The following MGST1 variants were observed in gnomAD, a reference collection of about 807,000 sequenced individuals.
The protein encoded by MGST1 is microsomal glutathione S-transferase 1, also known as glutathione S-transferase 12.
In MGST1, 5 loss-of-function variants were observed where a neutral mutation model predicts 8.9. The ratio of observed to expected loss-of-function variants is 0.56; its 90% confidence interval spans 0.29 to 1.19. The LOEUF (loss-of-function observed/expected upper bound fraction) is 1.19, where lower values mean the gene tolerates loss of function less well. Among genes scored for constraint, MGST1 ranks in the 50% most tolerant of loss-of-function variants. The pLI is 0.08. For missense variants in MGST1, 182 were observed against 187.4 expected (o/e 0.97, Z 0.17); for synonymous variants, 54 against 67.8 (o/e 0.80, Z 1.00).
intron 1 of MGST1, among the ~76,000 whole-genome samples, chr12:16,421,176 A>C (rs1940832550): frequency 6.6e-6 from 1 of 152,064 alleles, no homozygotes; most frequent in South Asian, 2.1e-4. Context: ...GCACATATCC[A>C]TTTATCAATA....
At chr12:16,400,087 TAA>T in intron 1 of MGST1, 1 of 1,574,400 alleles carries the variant, frequency 6.4e-7, no homozygotes, top group Non-Finnish European at 8.7e-7. Context: ...CATGAAATTC[TAA>T]AAGGCTGTTT....
At chr12:16,454,832 G>A (rs1941157847) in intron 4 of MGST1, among the ~76,000 whole-genome samples, 2 of 108,478 alleles carry the variant, frequency 1.8e-5, no homozygotes, top group South Asian at 3.1e-4. Context: ...AATGAAACCT[G>A]TAATTAATGT....
chr12:16,590,654 G>A (rs1044678124), downstream of MGST1, among the ~76,000 whole-genome samples: 14 of 151,712 alleles, frequency 9.2e-5, no homozygotes, highest in African/African-American at 3.4e-4. Context: ...TGACATCTTT[G>A]GTCAAGATCT....
Position 16,576,085 on chromosome 12 carries a change from G to A in MGST1, n.483-13443G>A, listed in dbSNP as rs555742647. On this transcript the variant is annotated intron_variant and non_coding_transcript_variant, in intron 4 of 4. Coordinates refer to the MGST1 transcript ENST00000538857. This position sits in a 1 kb window ranked among gnomAD's most constrained non-coding sequence, Gnocchi z 4.1. ...CAGTAAGCTACTTCTAGCGCGCATC[G>A]CTTCTCCCTTGCACTCATACTACAA... Among the ~76,000 whole-genome samples, 14 of 152,208 alleles carry A rather than the reference G, an allele frequency of 9.2e-5. No individual in the cohort carries two copies. In the South Asian group the frequency reaches 2.7e-3, roughly 29 times the overall value.
At chr12:16,367,728 A>G (rs530483639), downstream of MGST1, among the ~76,000 whole-genome samples, 3 of 152,262 alleles carry the variant, frequency 2.0e-5, no homozygotes, top group South Asian at 4.1e-4. Context: ...CAAGATGGAG[A>G]TGATCTCTCT....
rs1680010583 is a variant in MGST1, at chr12:16,363,560, C to T, written c.222-235C>T. ...TTGATATTCTAGGAACTACAAAATG[C>T]CTTCTGTGATATTTAAAGATACACT... On this transcript the variant is annotated intron_variant, in intron 3 of 3. Coordinates refer to ENST00000396210, the MANE Select transcript of MGST1 (RefSeq NM_020300.5). This position sits in a 1 kb window ranked among gnomAD's most constrained non-coding sequence, Gnocchi z 4.6. The T allele has an allele frequency of 6.8e-6, 2 of 292,542 alleles. No homozygotes were observed. The highest frequency in any genetic ancestry group is 9.5e-5 in the Admixed American group (2 of 21,068). 18.1% of individuals were successfully genotyped at this position (292,542 alleles called of 1,614,324 possible).
At chr12:16,360,866 A>G (rs1565437524) in intron 3 of MGST1, among the ~76,000 whole-genome samples, 1 of 152,274 alleles carries the variant, frequency 6.6e-6, no homozygotes, top group Admixed American at 6.5e-5. Context: ...GCCCCAGTGT[A>G]TGAACACACA....
At chr12:16,377,772 A>C (rs528515447), downstream of MGST1, among the ~76,000 whole-genome samples, 149 of 152,132 alleles carry the variant, frequency 9.8e-4, no homozygotes, top group African/African-American at 3.4e-3. Context: ...ACAGTGTAAA[A>C]GTGTTCCTAT....
intron 1 of MGST1, among the ~76,000 whole-genome samples, chr12:16,425,964 G>A (rs1212984867): frequency 6.6e-6 from 1 of 151,912 alleles, no homozygotes; most frequent in East Asian, 1.9e-4. Flanking sequence ...CATGTTTTCT[G>A]TCACTGATAA....
At chr12:16,549,069 G>C (rs1941891529) in intron 4 of MGST1, 1 of 152,122 alleles carries the variant, frequency 6.6e-6, no homozygotes, top group South Asian at 2.1e-4. Context: ...AAGATCATCT[G>C]AATAAGATCC....
chr12:16,411,366 G>A (rs1940741681), intron 1 of MGST1, among the ~76,000 whole-genome samples: 1 of 152,138 alleles, frequency 6.6e-6, no homozygotes, highest in Admixed American at 6.6e-5. Context: ...GTTATATGGT[G>A]AAATCCTCTA....
At chr12:16,541,190 T>A (rs980195204) in intron 4 of MGST1, among the ~76,000 whole-genome samples, 4 of 152,250 alleles carry the variant, frequency 2.6e-5, no homozygotes, top group Non-Finnish European at 4.4e-5. Context: ...ATTAAATAAC[T>A]TTTTTTAGTA....
At position 16,503,964 on chromosome 12, in the gene MGST1, T is replaced by C. The variant is rs1319106852; in HGVS notation, n.483-85564T>C. ...GGTGCTGCTGTATGCTGCTGCCCTA[T>C]GCTGCTGCTTCGATAAAAGGTGTTG... On this transcript the variant is annotated intron_variant and non_coding_transcript_variant, in intron 4 of 4. Coordinates refer to the MGST1 transcript ENST00000538857. This position sits in a 1 kb window ranked among gnomAD's most constrained non-coding sequence, Gnocchi z 4.8. Among the ~76,000 whole-genome samples the C allele has an allele frequency of 1.3e-5, 2 of 152,166 alleles. No individual in the cohort carries two copies. The highest frequency in any genetic ancestry group is 6.5e-5 in the Admixed American group (1 of 15,278).
At chr12:16,411,472 C>G (rs1233231485) in intron 1 of MGST1, among the ~76,000 whole-genome samples, 1 of 151,924 alleles carries the variant, frequency 6.6e-6, no homozygotes, top group Non-Finnish European at 1.5e-5. Flanking sequence ...TTAAATATAA[C>G]AGATTATTGG....
chr12:16,514,209 C>T, intron 4 of MGST1: 1 of 309,344 alleles, frequency 3.2e-6, no homozygotes, highest in Non-Finnish European at 6.3e-6. Flanking sequence ...GCCAATCATA[C>T]ACCAAGAACA....
At position 16,398,506 on chromosome 12, in the gene MGST1, A is replaced by C. The variant is rs1301435292; in HGVS notation, n.778+14902A>C. 3.3e-5 allele frequency among the ~76,000 whole-genome samples: 5 copies of C among 152,144 alleles called. No individual in the cohort carries two copies. The East Asian group carries it at 9.6e-4, about 29-fold the overall frequency. ...TTGACTTCTTTGAGCCTTCCTCTAG[A>C]TTTCACTAGAAGCAGTACATGAGGC... On this transcript the variant is annotated intron_variant and non_coding_transcript_variant, in intron 1 of 1. Coordinates refer to the MGST1 transcript ENST00000359720.
intron 4 of MGST1, among the ~76,000 whole-genome samples, chr12:16,545,420 A>C (rs1028740902): frequency 1.3e-5 from 2 of 152,062 alleles, no homozygotes. Flanking sequence ...CACAGTTCTG[A>C]CATATATAGT....
chr12:16,370,258 G>A (rs1940269305), intron 3 of MGST1: 1 of 152,148 alleles, frequency 6.6e-6, no homozygotes, highest in Admixed American at 6.6e-5. Flanking sequence ...CATTTGCAAT[G>A]TGCTGCCTTA....
At chr12:16,433,421 G>A (rs1045468738) in intron 1 of MGST1, among the ~76,000 whole-genome samples, 4 of 152,132 alleles carry the variant, frequency 2.6e-5, no homozygotes, top group East Asian at 3.9e-4. Context: ...GTGTGGTTTC[G>A]GTTCAGAGAC....
Sources: gnomAD v4.1 joint callset for allele counts (sites outside exome capture counted in the v4.1 genomes callset) on GRCh38, gnomAD v4.1.1 for gene constraint, Gnocchi (gnomAD v3.1) non-coding constraint, MANE v1.5 for transcripts, NCBI Gene and HGNC (gene_info 2026-07-23, HGNC 2026-07-21) for gene names.